SPAG9: variants seen among roughly 807,000 people sequenced by gnomAD.
SPAG9 encodes the protein C-Jun-amino-terminal kinase-interacting protein 4.
A neutral mutation model predicts 166.5 loss-of-function variants in SPAG9; 35 were observed. The observed-to-expected ratio is 0.21, with a 90% CI of 0.16 to 0.28. The LOEUF (loss-of-function observed/expected upper bound fraction) is 0.28. Among genes scored for constraint, SPAG9 ranks in the 10% least tolerant of loss-of-function variants. The pLI is 1.00. For synonymous variants in SPAG9, 534 were observed against 565.5 expected, an observed-to-expected ratio of 0.94 and a Z score of 0.79; for missense variants, 1,235 against 1,603.3, an observed-to-expected ratio of 0.77 and a Z score of 3.92.
intron 1 of SPAG9, among the ~76,000 whole-genome samples, chr17:51,099,301 C>T (rs762983521): frequency 4.6e-5 from 7 of 151,270 alleles, no homozygotes; most frequent in Middle Eastern, 6.9e-3. Context: ...GGCGTGGTGG[C>T]GCATTCCTAT....
chr17:51,077,005 G>GCTATCTATCTAT (rs201838131), intron 2 of SPAG9, among the ~76,000 whole-genome samples: 1 of 92,526 alleles, frequency 1.1e-5, no homozygotes, highest in African/African-American at 4.7e-5. Context: ...TAGCTATCTA[G>GCTATCTATCTAT]CTAGCTAGCT....
At chr17:50,969,045 G>A (rs901500183) in intron 29 of SPAG9, among the ~76,000 whole-genome samples, 1 of 151,942 alleles carries the variant, frequency 6.6e-6, no homozygotes, top group East Asian at 2.0e-4. Context: ...TGATTCTCCT[G>A]CCTCAGCCTC....
chr17:51,040,211 C>A (rs1381561832), intron 5 of SPAG9, among the ~76,000 whole-genome samples: 1 of 147,974 alleles, frequency 6.8e-6, no homozygotes. Flanking sequence ...CTCACCACTG[C>A]ACTCCAGCCT....
At chr17:50,995,598 T>C in intron 16 of SPAG9, 65 bp from the exon 17 acceptor site, 2 of 943,116 alleles carry the variant, frequency 2.1e-6, no homozygotes, top group East Asian at 4.8e-5. Flanking sequence ...GTGAACTTAT[T>C]ACAGATCCAC....
At chr17:51,043,384 A>G (rs1225303920) in intron 4 of SPAG9, among the ~76,000 whole-genome samples, 1 of 152,226 alleles carries the variant, frequency 6.6e-6, no homozygotes, top group Non-Finnish European at 1.5e-5. Context: ...TGCATAGATA[A>G]TATAGTACCT....
chr17:51,009,923 T>C (rs1320108215), intron 9 of SPAG9, among the ~76,000 whole-genome samples: 2 of 152,198 alleles, frequency 1.3e-5, no homozygotes, highest in East Asian at 3.8e-4. Context: ...AATAGGATTA[T>C]CTAAAATTTC....
chr17:51,114,845 A>G (rs2049237203), intron 1 of SPAG9, among the ~76,000 whole-genome samples: 1 of 151,726 alleles, frequency 6.6e-6, no homozygotes, highest in Non-Finnish European at 1.5e-5. Flanking sequence ...CCAGCTACTC[A>G]GGCAGCTGAG....
intron 2 of SPAG9, among the ~76,000 whole-genome samples, chr17:51,061,976 T>C (rs551331888): frequency 1.2e-4 from 18 of 152,316 alleles, no homozygotes; most frequent in Non-Finnish European, 2.6e-4. Flanking sequence ...AATGGTTATA[T>C]TTACTAATCT....
In SPAG9 at chr17:51,043,373, G is replaced by C. The variant is rs962761406; in HGVS notation, c.591-1722C>G. Among the ~76,000 whole-genome samples, 20 of 152,122 alleles carry C rather than the reference G, an allele frequency of 1.3e-4. 1 individual carries two copies. Among genetic ancestry groups the C allele is most frequent in the South Asian group, 4.1e-4 (2 of 4,834 alleles). On this transcript the variant is annotated intron_variant, in intron 4 of 29. Transcript: ENST00000262013. ...AGAGGCGTTATTTATTATTTCCTTA[G>C]TGCATAGATAATATAGTACCTATTG...
At chr17:51,013,727 C>T (rs1279375539) in intron 9 of SPAG9, among the ~76,000 whole-genome samples, 1 of 152,172 alleles carries the variant, frequency 6.6e-6, no homozygotes, top group Admixed American at 6.5e-5. Flanking sequence ...TCTTCTAGAA[C>T]ACAAACTTTA....
intron 1 of SPAG9, among the ~76,000 whole-genome samples, chr17:51,087,247 G>T (rs2048329167): frequency 6.6e-6 from 1 of 152,164 alleles, no homozygotes; most frequent in Non-Finnish European, 1.5e-5. Context: ...TCAGAAAGCA[G>T]AACACTCATA....
intron 28 of SPAG9, among the ~76,000 whole-genome samples, chr17:50,971,337 CA>C: frequency 6.7e-6 from 1 of 148,356 alleles, no homozygotes; most frequent in African/African-American, 2.6e-5. Flanking sequence ...AACAAACAAA[CA>C]AACAAAACCC....
At chr17:50,999,418 A>C (rs1202297400) in intron 14 of SPAG9, 2 of 1,372,908 alleles carry the variant, frequency 1.5e-6, no homozygotes, top group Non-Finnish European at 1.9e-6. Flanking sequence ...CAACAAATGC[A>C]CAGTCAACAT....
intron 28 of SPAG9, among the ~76,000 whole-genome samples, chr17:50,971,392 T>C (rs1597875684): frequency 1.3e-5 from 2 of 150,612 alleles, no homozygotes; most frequent in African/African-American, 4.9e-5. Flanking sequence ...AAAGCAGGAA[T>C]AGGCCCCAAA....
At chr17:51,051,925 A>G (rs904012758) in intron 3 of SPAG9, among the ~76,000 whole-genome samples, 3 of 152,188 alleles carry the variant, frequency 2.0e-5, no homozygotes, top group African/African-American at 7.2e-5. Context: ...CCAAAGGGCT[A>G]AAGTTTTTGG....
chr17:50,988,236 A>G (rs1039987813), intron 21 of SPAG9, among the ~76,000 whole-genome samples: 1 of 152,148 alleles, frequency 6.6e-6, no homozygotes, highest in Non-Finnish European at 1.5e-5. Context: ...AAAGAATTAA[A>G]TATTAACCCA....
At chr17:51,084,195 G>A (rs1256229093) in intron 1 of SPAG9, 1 of 152,036 alleles carries the variant, frequency 6.6e-6, no homozygotes, top group African/African-American at 2.4e-5. Flanking sequence ...AGAACTGAAT[G>A]CAAGCAGATG....
chr17:50,986,490 A>C (rs1035579991), intron 22 of SPAG9, among the ~76,000 whole-genome samples: 12 of 152,206 alleles, frequency 7.9e-5, no homozygotes, highest in African/African-American at 2.7e-4. Context: ...AAAATCCAAA[A>C]TGCTCCAATG....
chr17:50,967,113 G>A (rs16949546), intron 29 of SPAG9, among the ~76,000 whole-genome samples: 3,441 of 152,234 alleles, frequency 0.023, 127 homozygotes, highest in African/African-American at 0.076. Flanking sequence ...GGCCCAGTCT[G>A]GGGTACACCA....
Sources: gnomAD v4.1 joint callset for allele counts (sites outside exome capture counted in the v4.1 genomes callset) on GRCh38, gnomAD v4.1.1 for gene constraint, MANE v1.5 for transcripts, NCBI Gene and HGNC (gene_info 2026-07-23, HGNC 2026-07-21) for gene names.